Variants in BBS7 observed in about 807,000 individuals in gnomAD.
The protein encoded by BBS7 is BBSome complex member BBS7.
Under a neutral mutation model 90.3 loss-of-function variants are expected in BBS7, and 50 were observed. The observed-to-expected ratio is 0.55, with a 90% CI of 0.44 to 0.70. The LOEUF (loss-of-function observed/expected upper bound fraction) is 0.70. BBS7 is among the 30% of genes least tolerant of loss of function. BBS7 has a pLI of 0.00. For synonymous variants in BBS7, 235 were observed against 287.4 expected, an observed-to-expected ratio of 0.82 and a Z score of 1.85; for missense variants, 729 against 838.9, an observed-to-expected ratio of 0.87 and a Z score of 1.62.
rs1226167451 is a variant in BBS7, at chr4:121,854,782, C to T, written c.640G>A (p.Gly214Arg). The change falls in exon 7 of 19, where the codon GGA (glycine) becomes AGA (arginine). Residue 214 changes from glycine to arginine, a missense_variant. Physicochemically the swap from Gly to Arg is moderately radical, Grantham distance 125 (BLOSUM62 -2). Coordinates refer to ENST00000264499, the MANE Select transcript of BBS7 (RefSeq NM_176824.3). The stretch of plus-strand genomic sequence containing the variant: ...GTAATCTGTATAAGCGCAAGTTTTC[C>T]GTCTGATGTCCCAAACAAAAGGTCT... Reference protein sequence around the residue: ...GEDLLFGTSDGKLALIQITTS... With the variant: ...GEDLLFGTSDRKLALIQITTS... The T allele has an allele frequency of 4.3e-6, 7 of 1,612,422 alleles. No individual in the cohort carries two copies. The highest frequency in any genetic ancestry group is 1.3e-5 in the African/African-American group (1 of 74,852).
At chr4:121,832,978 T>C (rs1725269366) in intron 15 of BBS7, among the ~76,000 whole-genome samples, 1 of 152,194 alleles carries the variant, frequency 6.6e-6, no homozygotes, top group Non-Finnish European at 1.5e-5. Flanking sequence ...GAAGGGCTCT[T>C]TTTAAATAAT....
chr4:121,825,235 A>G lies in BBS7; in HGVS notation c.*625T>C, dbSNP rs1311743482. 1 of 152,260 alleles carries G rather than the reference A, an allele frequency of 6.6e-6. No homozygotes were observed. The highest frequency in any genetic ancestry group is 1.5e-5 in the Non-Finnish European group (1 of 68,080). 9.4% of individuals were successfully genotyped at this position (152,260 alleles called of 1,614,324 possible). A position where few individuals can be genotyped will look rare whatever the true frequency, so the allele number is the denominator to read the frequency against. ...GCAGCAGAGTCATAAAACACTACCA[A>G]GCAAAAGGAATATCAGTTGCAAATC... is the stretch of plus-strand genomic sequence containing the variant. On this transcript the variant is annotated 3_prime_UTR_variant, in exon 19 of 19. Transcript: ENST00000264499.
intron 18 of BBS7, 156 bp downstream of exon 18, chr4:121,827,990 T>C: frequency 5.4e-6 from 8 of 1,471,966 alleles, no homozygotes; most frequent in Non-Finnish European, 7.2e-6. Context: ...AGAAATATTC[T>C]GTGCAATAAA....
chr4:121,857,871 A>ATT (rs1469780738), intron 5 of BBS7, among the ~76,000 whole-genome samples: 127 of 144,900 alleles, frequency 8.8e-4, no homozygotes, highest in African/African-American at 2.9e-3. Flanking sequence ...CAGTGATGCA[A>ATT]TTTCAGCTCA....
intron 15 of BBS7, among the ~76,000 whole-genome samples, chr4:121,832,902 A>C (rs540215432): frequency 2.8e-4 from 43 of 152,160 alleles, no homozygotes; most frequent in Non-Finnish European, 4.7e-4. Flanking sequence ...TAACTTCTAC[A>C]TATTTCTAAT....
At chr4:121,861,822 A>C in intron 3 of BBS7, 143 bp from the exon 4 acceptor site, 1 of 799,234 alleles carries the variant, frequency 1.3e-6, no homozygotes. Context: ...AATAATCTAT[A>C]TACTTCAGCA....
Position 121,870,464 on chromosome 4 carries a change from G to C in BBS7, c.-151C>G, listed in dbSNP as rs934087707. On this transcript the variant is annotated 5_prime_UTR_variant, in exon 1 of 19. Transcript: ENST00000264499. ...CGCCTAGGTCCTGGGCTGCACAGGCGGGGCGACAGGGCAGTGGCGTCCTGC... is the reference window on the plus strand; with the variant it reads ...CGCCTAGGTCCTGGGCTGCACAGGCCGGGCGACAGGGCAGTGGCGTCCTGC... 1 of 795,934 alleles carries C rather than the reference G, an allele frequency of 1.3e-6. No homozygotes were observed. Among genetic ancestry groups the C allele is most frequent in the Non-Finnish European group, 2.1e-6 (1 of 467,136 alleles). The allele number at this position is 795,934 out of a possible 1,614,324, so 49.3% of individuals were successfully genotyped here. A position where few individuals can be genotyped will look rare whatever the true frequency, so the allele number is the denominator to read the frequency against.
chr4:121,839,995 A>C (rs1725654397), intron 12 of BBS7, among the ~76,000 whole-genome samples: 1 of 152,238 alleles, frequency 6.6e-6, no homozygotes, highest in African/African-American at 2.4e-5. Flanking sequence ...TTTTTACAAT[A>C]ACATTTTTAA....
chr4:121,864,229 G>C (rs1727141207), intron 2 of BBS7, among the ~76,000 whole-genome samples: 1 of 152,162 alleles, frequency 6.6e-6, no homozygotes, highest in Admixed American at 6.5e-5. Flanking sequence ...TCTGATTTAA[G>C]AAACTACTAC....
chr4:121,860,524 C>T (rs1406965483), intron 4 of BBS7, among the ~76,000 whole-genome samples: 1 of 152,140 alleles, frequency 6.6e-6, no homozygotes, highest in African/African-American at 2.4e-5. Context: ...GAGACTGTTA[C>T]TGAGAAACTC....
At position 121,841,139 on chromosome 4, in the gene BBS7, C is replaced by T. The variant is rs186363321; in HGVS notation, c.1306-1443G>A. On this transcript the variant is annotated intron_variant, in intron 12 of 18. Coordinates refer to ENST00000264499, the MANE Select transcript of BBS7 (RefSeq NM_176824.3). ...ACACGTATGAGCCACGGTGCCAAGC[C>T]GTAAATGTGTTCTTGTATGATTAAA... 3.2e-4 allele frequency among the ~76,000 whole-genome samples: 49 copies of T among 152,148 alleles called. No individual in the cohort carries two copies. The East Asian group carries it at 7.4e-3, about 23-fold the overall frequency.
Position 121,855,359 on chromosome 4 carries a change from G to C in BBS7, c.601+130C>G, listed in dbSNP as rs920015419. The C allele has an allele frequency of 1.3e-5, 11 of 846,112 alleles. No individual in the cohort carries two copies. In the African/African-American group the frequency reaches 1.7e-4, roughly 13 times the overall value. The allele number at this position is 846,112 out of a possible 1,614,324, so 52.4% of individuals were successfully genotyped here. On this transcript the variant is annotated intron_variant, in intron 6 of 18. Coordinates refer to ENST00000264499, the MANE Select transcript of BBS7 (RefSeq NM_176824.3). ...GAGAATTAAAAGTTCAATAACTCGT[G>C]CTGTTAGTTACTGGCAAGTTACCAG...
chr4:121,829,782 G>C (rs1316535694), intron 15 of BBS7, among the ~76,000 whole-genome samples: 1 of 152,154 alleles, frequency 6.6e-6, no homozygotes, highest in Non-Finnish European at 1.5e-5. Flanking sequence ...AAATATGTAA[G>C]ACTGGATTCT....
In BBS7 at chr4:121,868,099, ATTAAAATAAG is replaced by A. The variant is rs939166679; in HGVS notation, c.37-63_37-54del. 2.1e-6 allele frequency: 3 copies of A among 1,433,286 alleles called. No individual in the cohort carries two copies. In the African/African-American group the frequency reaches 4.2e-5, roughly 20 times the overall value. 88.8% of individuals were successfully genotyped at this position (1,433,286 alleles called of 1,614,324 possible). ...AATTTAATTTGAAGTTATTACAGAG[ATTAAAATAAG>A]TTATAGTGAACCTTTTTGTTAAACT... On this transcript the variant is annotated intron_variant, in intron 1 of 18. Transcript: ENST00000264499.
intron 12 of BBS7, among the ~76,000 whole-genome samples, chr4:121,841,570 A>T (rs11937224): frequency 0.4 from 60,239 of 150,228 alleles, 12,749 homozygotes; most frequent in African/African-American, 0.55. Flanking sequence ...CCATCTTTTA[A>T]AAAAAAAAAA....
chr4:121,861,546 A>T lies in BBS7; in HGVS notation c.299T>A (p.Phe100Tyr). The change falls in exon 4 of 19, where the codon TTC (phenylalanine) becomes TAC (tyrosine). Residue 100 changes from phenylalanine (F) to tyrosine (Y), a missense_variant. Coordinates refer to ENST00000264499, the MANE Select transcript of BBS7 (RefSeq NM_176824.3). The part of the protein sequence containing the change: ...IRGFTKRGKQ[F>Y]LSFETNLTES... ...AGTGAGGTTTGTTTCAAAGGAGAGG[A>T]ACTGTTTTCCTCTTTTTGTGAAGCC... 2.5e-6 allele frequency: 4 copies of T among 1,613,796 alleles called. No homozygotes were observed. The South Asian group carries it at 4.4e-5, about 18-fold the overall frequency.
chr4:121,849,227 G>C (rs1448165020), intron 8 of BBS7, among the ~76,000 whole-genome samples: 1 of 152,188 alleles, frequency 6.6e-6, no homozygotes, highest in Non-Finnish European at 1.5e-5. Flanking sequence ...TAGAGACAAA[G>C]TCTCCCTCCG....
chr4:121,841,613 A>T (rs1265254451), intron 12 of BBS7, among the ~76,000 whole-genome samples: 1 of 152,094 alleles, frequency 6.6e-6, no homozygotes, highest in African/African-American at 2.4e-5. Flanking sequence ...AGTGATGGGT[A>T]CATGCAAGTT....
chr4:121,868,684 CAAAAAAAAAAAAAAAAAAAAAA>C (rs34910805), intron 1 of BBS7, among the ~76,000 whole-genome samples: 1 of 49,684 alleles, frequency 2.0e-5, no homozygotes, highest in Admixed American at 2.9e-4. Context: ...GACCCTGTTT[CAAAAAAAAAAAAAAAAAAAAAA>C]AAAAAAAAAA....
Sources: allele counts gnomAD v4.1 joint callset (sites outside exome capture counted in the v4.1 genomes callset), GRCh38; gene constraint gnomAD v4.1.1; transcripts MANE v1.5; gene names NCBI Gene and HGNC (gene_info 2026-07-23, HGNC 2026-07-21).